The following DMD variants were observed in gnomAD, a reference collection of about 807,000 sequenced individuals.
The protein encoded by DMD is dystrophin, also known as mutant dystrophin.
DMD carries 63 observed loss-of-function variants against 330.1 expected under a neutral mutation model. The observed-to-expected ratio is 0.19, with a 90% CI of 0.16 to 0.24. The LOEUF is 0.24. Among genes scored for constraint, DMD ranks in the 10% least tolerant of loss-of-function variants. DMD has a pLI of 1.00. For missense variants in DMD, 3,344 were observed against 2,684.1 expected (o/e 1.25, Z -5.43); for synonymous variants, 1,223 against 959.8 (o/e 1.27, Z -5.07).
intron 62 of DMD, among the ~76,000 whole-genome samples, chrX:31,287,756 G>C (rs940253414): frequency 8.9e-6 from 1 of 111,997 alleles, no homozygotes; most frequent in Admixed American, 9.5e-5. Context: ...TATTTATTTA[G>C]GTATTTATTT....
intron 17 of DMD, among the ~76,000 whole-genome samples, chrX:32,529,378 A>AATTTTTTTTTTTTTTTTTTTTTTTTT (rs1569139194): frequency 1.4e-5 from 1 of 73,060 alleles, no homozygotes; most frequent in African/African-American, 5.4e-5. Context: ...GCAAAAATCA[A>AATTTTTTTTTTTTTTTTTTTTTTTTT]CTTTTTTTTT....
At chrX:32,473,967 C>A (rs902475010) in intron 21 of DMD, among the ~76,000 whole-genome samples, 1 of 109,870 alleles carries the variant, frequency 9.1e-6, no homozygotes, top group African/African-American at 3.3e-5. Flanking sequence ...TATTTGTAGT[C>A]TTTTCTCTCT....
chrX:31,851,287 T>TAAAAAA (rs200485120), intron 48 of DMD, among the ~76,000 whole-genome samples: 1 of 104,475 alleles, frequency 9.6e-6, no homozygotes. Context: ...AAGGGAGACT[T>TAAAAAA]AAAAAAAAAA....
chrX:32,128,436 A>C (rs1483496184), intron 44 of DMD, among the ~76,000 whole-genome samples: 7 of 112,365 alleles, frequency 6.2e-5, no homozygotes, highest in Admixed American at 9.5e-5. Context: ...AAAATCATGA[A>C]TTAAATCCTA....
At chrX:32,055,658 A>T (rs1482886379) in intron 44 of DMD, among the ~76,000 whole-genome samples, 1 of 111,861 alleles carries the variant, frequency 8.9e-6, no homozygotes, top group Non-Finnish European at 1.9e-5. Flanking sequence ...TTTGTCAATT[A>T]AAAAAATTCT....
intron 52 of DMD, among the ~76,000 whole-genome samples, chrX:31,725,059 T>C (rs2085910193): frequency 8.9e-6 from 1 of 111,888 alleles, no homozygotes; most frequent in Non-Finnish European, 1.9e-5. Flanking sequence ...CAGATAAATA[T>C]ACCTTCCTAT....
At chrX:32,790,952 T>C (rs2075773252) in intron 7 of DMD, among the ~76,000 whole-genome samples, 1 of 111,217 alleles carries the variant, frequency 9.0e-6, no homozygotes, top group Non-Finnish European at 1.9e-5. Flanking sequence ...CCAGGAGTCC[T>C]GAGGACAGGT....
intron 74 of DMD, among the ~76,000 whole-genome samples, chrX:31,159,359 T>G (rs1229187967): frequency 1.8e-5 from 2 of 111,957 alleles, no homozygotes; most frequent in Non-Finnish European, 3.8e-5. Flanking sequence ...GATTTACTTA[T>G]GACTTGTAGT....
intron 49 of DMD, among the ~76,000 whole-genome samples, chrX:31,834,875 G>T (rs1377125360): frequency 9.0e-6 from 1 of 110,895 alleles, no homozygotes; most frequent in Non-Finnish European, 1.9e-5. Context: ...AAAAAAAAAA[G>T]GAAGGAAAAA....
intron 9 of DMD, among the ~76,000 whole-genome samples, chrX:32,680,604 A>G (rs991404160): frequency 4.4e-5 from 5 of 112,591 alleles, no homozygotes; most frequent in Non-Finnish European, 9.4e-5. Context: ...ATCTCAAATT[A>G]TGAATGCCCA....
At chrX:32,965,391 G>A (rs1602270663) in intron 2 of DMD, among the ~76,000 whole-genome samples, 1 of 108,848 alleles carries the variant, frequency 9.2e-6, no homozygotes, top group East Asian at 2.9e-4. Flanking sequence ...CTACTCGGGA[G>A]GCTGAGGCAG....
At chrX:33,330,040 G>C (rs1256677142) in intron 1 of DMD, among the ~76,000 whole-genome samples, 1 of 111,127 alleles carries the variant, frequency 9.0e-6, no homozygotes, top group Non-Finnish European at 1.9e-5. Flanking sequence ...CAGCGAGTCA[G>C]AGATATAAAT....
chrX:31,785,989 T>C (rs1373234944), intron 50 of DMD, among the ~76,000 whole-genome samples: 1 of 111,851 alleles, frequency 8.9e-6, no homozygotes, highest in South Asian at 3.8e-4. Flanking sequence ...CTGAGTTAAA[T>C]GGTATTTCTG....
chrX:32,689,490 A>T (rs975057902), intron 9 of DMD, among the ~76,000 whole-genome samples: 6 of 111,566 alleles, frequency 5.4e-5, no homozygotes, highest in African/African-American at 1.9e-4. Flanking sequence ...AACATTTTTT[A>T]AAGAAAATTA....
At chrX:32,716,759 G>T (rs1402596224) in intron 7 of DMD, among the ~76,000 whole-genome samples, 1 of 111,214 alleles carries the variant, frequency 9.0e-6, no homozygotes, top group East Asian at 2.9e-4. Context: ...GATCCAGGCT[G>T]AGGTGGTCTC....
chrX:31,591,063 C>T (rs2076847428), intron 55 of DMD, among the ~76,000 whole-genome samples: 1 of 111,830 alleles, frequency 8.9e-6, no homozygotes, highest in Non-Finnish European at 1.9e-5. Context: ...AAGAGTAAAA[C>T]TTACCAGATT....
intron 27 of DMD, among the ~76,000 whole-genome samples, chrX:32,443,157 C>A (rs1026699393): frequency 2.7e-5 from 3 of 110,608 alleles, no homozygotes; most frequent in Non-Finnish European, 5.7e-5. Flanking sequence ...CACCTGCCCC[C>A]GCCTCACTAC....
At chrX:31,193,865 G>C (rs2042629503) in intron 67 of DMD, among the ~76,000 whole-genome samples, 1 of 111,267 alleles carries the variant, frequency 9.0e-6, no homozygotes, top group East Asian at 2.8e-4. Context: ...TTCTTCAAGA[G>C]AACTGGTCTG....
At chrX:32,554,273 T>A (rs766645661) in intron 16 of DMD, among the ~76,000 whole-genome samples, 1 of 110,697 alleles carries the variant, frequency 9.0e-6, no homozygotes, top group South Asian at 3.8e-4. Flanking sequence ...AGAGCTGAAC[T>A]GAAGGAGATA....
Sources: gnomAD v4.1 joint callset for allele counts (sites outside exome capture counted in the v4.1 genomes callset) on GRCh38, gnomAD v4.1.1 for gene constraint, MANE v1.5 for transcripts, NCBI Gene and HGNC (gene_info 2026-07-23, HGNC 2026-07-21) for gene names.